Variants in RNF128 observed in about 807,000 individuals in gnomAD.
RNF128 encodes ring finger protein 128.
In RNF128, 13 loss-of-function variants were observed where a neutral mutation model predicts 26.2. The observed-to-expected ratio is 0.50, with a 90% CI of 0.32 to 0.79. The LOEUF is 0.79. Ranked by LOEUF, RNF128 falls within the 30% of genes least tolerant of loss-of-function variation. RNF128 has a pLI of 0.03. For missense variants in RNF128, 315 were observed against 349.7 expected, an observed-to-expected ratio of 0.90 and a Z score of 0.79; for synonymous variants, 149 against 142.5, an observed-to-expected ratio of 1.05 and a Z score of -0.32.
intron 1 of RNF128, among the ~76,000 whole-genome samples, chrX:106,710,746 C>T (rs1295636369): frequency 2.8e-5 from 1 of 35,200 alleles, no homozygotes; most frequent in Admixed American, 4.5e-4. Flanking sequence ...GAAAGTCTGT[C>T]AAAAAAAAAA....
At chrX:106,767,400 T>C (rs1930271928) in intron 1 of RNF128, among the ~76,000 whole-genome samples, 1 of 111,897 alleles carries the variant, frequency 8.9e-6, no homozygotes, top group Non-Finnish European at 1.9e-5. Context: ...TGAGCAGTGG[T>C]TTGTAGTTCT....
At chrX:106,761,844 C>T (rs768137438) in intron 1 of RNF128, among the ~76,000 whole-genome samples, 12 of 110,082 alleles carry the variant, frequency 1.1e-4, no homozygotes, top group Non-Finnish European at 2.3e-4. Flanking sequence ...TCCCCTGTCA[C>T]TTGGTTTCTA....
intron 1 of RNF128, among the ~76,000 whole-genome samples, chrX:106,705,060 C>T (rs1048872358): frequency 3.6e-5 from 4 of 111,448 alleles, no homozygotes; most frequent in African/African-American, 1.3e-4. Context: ...GATTGTAGAT[C>T]ACAGGGATGG....
intron 1 of RNF128, among the ~76,000 whole-genome samples, chrX:106,753,898 A>G (rs942288607): frequency 8.9e-6 from 1 of 112,429 alleles, no homozygotes; most frequent in African/African-American, 3.2e-5. Flanking sequence ...CAGCAAGAAG[A>G]TAGAACAAGT....
intron 1 of RNF128, among the ~76,000 whole-genome samples, chrX:106,758,800 TAAATC>T (rs1185789923): frequency 9.0e-6 from 1 of 111,416 alleles, no homozygotes; most frequent in Non-Finnish European, 1.9e-5. Context: ...AATGAAGACT[TAAATC>T]TAAGACCTCA....
chrX:106,767,877 G>C (rs1392492943), intron 1 of RNF128, among the ~76,000 whole-genome samples: 1 of 111,626 alleles, frequency 9.0e-6, no homozygotes, highest in Non-Finnish European at 1.9e-5. Context: ...TTATTATTTT[G>C]AGATACGTCC....
intron 1 of RNF128, among the ~76,000 whole-genome samples, chrX:106,720,142 C>T (rs1457915323): frequency 9.2e-6 from 1 of 108,968 alleles, no homozygotes; most frequent in Non-Finnish European, 1.9e-5. Flanking sequence ...GAGTAAAGAC[C>T]ACTCATCTCC....
chrX:106,707,052 G>A (rs181580372), intron 1 of RNF128, among the ~76,000 whole-genome samples: 3 of 111,783 alleles, frequency 2.7e-5, no homozygotes, highest in East Asian at 5.6e-4. Flanking sequence ...TACATAGTTC[G>A]GGTCATGCTA....
rs766496219 is a variant in RNF128, at chrX:106,727,213, G to C, written c.300G>C (p.Thr100=). The C allele has an allele frequency of 5.8e-6, 7 of 1,210,239 alleles. No homozygotes were observed. Among genetic ancestry groups the C allele is most frequent in the Non-Finnish European group, 7.8e-6 (7 of 895,155 alleles). The change falls in exon 1 of 7, where the codon ACG becomes ACC. Residue 100 remains threonine, a synonymous_variant. Coordinates refer to ENST00000255499, the MANE Select transcript of RNF128 (RefSeq NM_194463.2). The stretch of plus-strand genomic sequence containing the variant: ...CGCTTAACGCCTGTAACCCGCACAC[G>C]AATTTCACGGTGCCCACGGTTTGGG... ...PGALNACNPH[T]NFTVPTVWGS... is the part of the protein sequence containing the mutation.
intron 1 of RNF128, among the ~76,000 whole-genome samples, chrX:106,751,901 C>T (rs113955006): frequency 0.077 from 8,479 of 110,253 alleles, 819 homozygotes; most frequent in African/African-American, 0.27. Context: ...GAGCCTTGGG[C>T]AAGGCTTCAG....
intron 1 of RNF128, among the ~76,000 whole-genome samples, chrX:106,698,305 C>T (rs1785947102): frequency 9.1e-6 from 1 of 109,944 alleles, no homozygotes; most frequent in Admixed American, 9.8e-5. Flanking sequence ...ATGGTTTTTA[C>T]GTTTTATCAT....
chrX:106,753,459 C>T (rs1168133869), intron 1 of RNF128, among the ~76,000 whole-genome samples: 1 of 110,635 alleles, frequency 9.0e-6, no homozygotes, highest in African/African-American at 3.3e-5. Context: ...GAACCTAGAA[C>T]AGATACACCA....
At chrX:106,770,721 T>G (rs543564120) in intron 1 of RNF128, among the ~76,000 whole-genome samples, 4 of 112,010 alleles carry the variant, frequency 3.6e-5, no homozygotes, top group African/African-American at 1.3e-4. Flanking sequence ...AGAAGTTTGT[T>G]ATTACCGATC....
intron 1 of RNF128, among the ~76,000 whole-genome samples, chrX:106,743,796 A>C (rs1291153898): frequency 9.0e-6 from 1 of 111,674 alleles, no homozygotes; most frequent in Admixed American, 9.5e-5. Context: ...ATAAAGACAC[A>C]TGCACATGTA....
intron 1 of RNF128, among the ~76,000 whole-genome samples, chrX:106,762,980 A>G (rs1408934364): frequency 9.2e-6 from 1 of 109,111 alleles, no homozygotes; most frequent in East Asian, 3.0e-4. Context: ...TGCCTATATA[A>G]CATACCAACA....
At chrX:106,740,440 T>C (rs184910674) in intron 1 of RNF128, among the ~76,000 whole-genome samples, 2 of 112,131 alleles carry the variant, frequency 1.8e-5, no homozygotes, top group East Asian at 5.6e-4. Flanking sequence ...CATGTCCCAG[T>C]TTCATTGTAA....
At chrX:106,701,506 T>G (rs912306840) in intron 1 of RNF128, among the ~76,000 whole-genome samples, 2 of 111,876 alleles carry the variant, frequency 1.8e-5, no homozygotes, top group Non-Finnish European at 3.8e-5. Flanking sequence ...GGAAATCCAA[T>G]AGTTTACTGT....
intron 1 of RNF128, 142 bp downstream of exon 1, chrX:106,727,539 T>A (rs1446083154): frequency 2.5e-6 from 2 of 789,930 alleles, no homozygotes; most frequent in African/African-American, 4.3e-5. Context: ...TGGGGCAGGG[T>A]CCTCCCCGAG....
At chrX:106,706,999 T>C (rs1241368200) in intron 1 of RNF128, among the ~76,000 whole-genome samples, 1 of 111,975 alleles carries the variant, frequency 8.9e-6, no homozygotes, top group African/African-American at 3.2e-5. Context: ...GCTAACAGTT[T>C]ATCCTGATAT....
Sources: allele counts gnomAD v4.1 joint callset (sites outside exome capture counted in the v4.1 genomes callset), GRCh38; gene constraint gnomAD v4.1.1; transcripts MANE v1.5; gene names NCBI Gene and HGNC (gene_info 2026-07-23, HGNC 2026-07-21).